POU6F2: variants seen among roughly 807,000 people sequenced by gnomAD.
The protein encoded by POU6F2 is POU class 6 homeobox 2, also known as POU domain, class 6, transcription factor 2.
Under a neutral mutation model 71.3 loss-of-function variants are expected in POU6F2, and 31 were observed. The ratio of observed to expected loss-of-function variants is 0.43; its 90% confidence interval spans 0.33 to 0.59. POU6F2 has a LOEUF of 0.59. POU6F2 is among the 20% of genes least tolerant of loss of function. POU6F2 has a pLI of 0.04. For synonymous variants in POU6F2, 347 were observed against 355.7 expected (o/e 0.98, Z 0.27); for missense variants, 783 against 856.8 (o/e 0.91, Z 1.07).
intron 1 of POU6F2, among the ~76,000 whole-genome samples, chr7:39,039,880 G>A (rs189237761): frequency 5.4e-5 from 8 of 149,092 alleles, no homozygotes; most frequent in Admixed American, 1.4e-4. Flanking sequence ...GTGTGATATC[G>A]GATTAGGTAT....
chr7:39,339,082 T>TTAA (rs1554344615), intron 4 of POU6F2, among the ~76,000 whole-genome samples: 50 of 143,964 alleles, frequency 3.5e-4, no homozygotes, highest in African/African-American at 6.9e-4. Context: ...TTTGAATTTT[T>TTAA]AAAAAAAAAA....
At chr7:39,372,176 C>T (rs1293066269) in intron 5 of POU6F2, among the ~76,000 whole-genome samples, 1 of 152,194 alleles carries the variant, frequency 6.6e-6, no homozygotes, top group African/African-American at 2.4e-5. Context: ...TGGCTTTAGC[C>T]TCCCAAAGTG....
chr7:39,333,139 A>G (rs1470043883), intron 4 of POU6F2, among the ~76,000 whole-genome samples: 1 of 152,138 alleles, frequency 6.6e-6, no homozygotes, highest in Non-Finnish European at 1.5e-5. Flanking sequence ...GAGCAGGTGC[A>G]GCTCCCCTGG....
At chr7:39,181,462 C>T (rs74522043) in intron 2 of POU6F2, among the ~76,000 whole-genome samples, 1,615 of 152,322 alleles carry the variant, frequency 0.011, 16 homozygotes, top group Non-Finnish European at 0.016. Flanking sequence ...TCAGTGCTAT[C>T]TTTGTTCCTA....
At chr7:39,254,273 A>G (rs572461998) in intron 4 of POU6F2, among the ~76,000 whole-genome samples, 1 of 152,308 alleles carries the variant, frequency 6.6e-6, no homozygotes, top group East Asian at 1.9e-4. Flanking sequence ...TTGTTTAAAC[A>G]TTCGCAACGG....
At chr7:39,191,104 T>C (rs562122507) in intron 2 of POU6F2, among the ~76,000 whole-genome samples, 3 of 152,352 alleles carry the variant, frequency 2.0e-5, no homozygotes, top group African/African-American at 7.2e-5. Flanking sequence ...CATTGACTAA[T>C]GAGTACTAAC....
At chr7:39,324,913 C>T (rs1049185323) in intron 4 of POU6F2, among the ~76,000 whole-genome samples, 6 of 152,076 alleles carry the variant, frequency 3.9e-5, no homozygotes, top group African/African-American at 1.4e-4. Context: ...CATATGAAAG[C>T]CTTTAAAATG....
At chr7:39,144,663 A>G (rs1234826490) in intron 2 of POU6F2, among the ~76,000 whole-genome samples, 1 of 152,206 alleles carries the variant, frequency 6.6e-6, no homozygotes, top group Admixed American at 6.5e-5. Context: ...TATGGTTTGA[A>G]TGGTGTTTAC....
At chr7:39,276,383 A>G (rs1784439235) in intron 4 of POU6F2, among the ~76,000 whole-genome samples, 2 of 152,236 alleles carry the variant, frequency 1.3e-5, no homozygotes, top group Admixed American at 6.5e-5. Context: ...AATGGCAATC[A>G]TTAAAAAGTC....
chr7:39,372,986 G>A (rs1020967228), intron 5 of POU6F2, among the ~76,000 whole-genome samples: 3 of 152,152 alleles, frequency 2.0e-5, no homozygotes, highest in Non-Finnish European at 2.9e-5. Flanking sequence ...GTATAGTTAG[G>A]AGAGCAGACT....
At chr7:39,421,365 A>C (rs1004648371) in intron 6 of POU6F2, among the ~76,000 whole-genome samples, 6 of 152,192 alleles carry the variant, frequency 3.9e-5, no homozygotes, top group African/African-American at 1.4e-4. Context: ...TTGCCACAAC[A>C]ATGGATATTC....
At chr7:39,231,426 A>T (rs1165906528) in intron 4 of POU6F2, among the ~76,000 whole-genome samples, 2 of 152,176 alleles carry the variant, frequency 1.3e-5, no homozygotes, top group African/African-American at 4.8e-5. Context: ...TGCTTTATTG[A>T]CATCATATTT....
chr7:39,404,063 G>A (rs1439952306), intron 5 of POU6F2, among the ~76,000 whole-genome samples: 1 of 152,156 alleles, frequency 6.6e-6, no homozygotes, highest in Non-Finnish European at 1.5e-5. Flanking sequence ...AGAGGGAAAG[G>A]CAGCAAAAAG....
intron 4 of POU6F2, among the ~76,000 whole-genome samples, chr7:39,215,900 A>G (rs1044348868): frequency 3.9e-5 from 6 of 152,234 alleles, no homozygotes; most frequent in Non-Finnish European, 8.8e-5. Context: ...CATATTACAT[A>G]TGGGTCATAG....
At chr7:39,052,344 G>C (rs1298793803) in intron 1 of POU6F2, among the ~76,000 whole-genome samples, 1 of 152,132 alleles carries the variant, frequency 6.6e-6, no homozygotes, top group Non-Finnish European at 1.5e-5. Context: ...AAATACATGA[G>C]ACTGGGTAAT....
In POU6F2 at chr7:39,012,415, A is replaced by G. The variant is rs1281061408; in HGVS notation, c.105+34357A>G. 4.7e-5 allele frequency among the ~76,000 whole-genome samples: 7 copies of G among 149,184 alleles called. No individual in the cohort carries two copies. In the South Asian group the frequency reaches 1.3e-3, roughly 27 times the overall value. On this transcript the variant is annotated intron_variant, in intron 1 of 9. Coordinates refer to ENST00000518318, the MANE Select transcript of POU6F2 (RefSeq NM_001370959.1). ...CTTCTCTGTATTGGTTATTCTAGTT[A>G]TACATTCTTCTAAATTTTTTTCAAA...
chr7:39,195,040 C>T (rs982782664), intron 2 of POU6F2, among the ~76,000 whole-genome samples: 15 of 152,170 alleles, frequency 9.9e-5, no homozygotes, highest in Non-Finnish European at 1.9e-4. Flanking sequence ...TGAAGTCAGC[C>T]AGACCAAGAA....
At chr7:39,011,009 G>A (rs1451745249) in intron 1 of POU6F2, among the ~76,000 whole-genome samples, 2 of 141,342 alleles carry the variant, frequency 1.4e-5, no homozygotes, top group African/African-American at 5.2e-5. Flanking sequence ...TGTTGATTTG[G>A]GGTGGAGAGT....
chr7:39,415,291 G>T (rs528805398), intron 6 of POU6F2, among the ~76,000 whole-genome samples: 1 of 152,294 alleles, frequency 6.6e-6, no homozygotes, highest in South Asian at 2.1e-4. Flanking sequence ...CCAAAATGCT[G>T]GGATTACAGG....
Sources: gnomAD v4.1 joint callset for allele counts (sites outside exome capture counted in the v4.1 genomes callset) on GRCh38, gnomAD v4.1.1 for gene constraint, MANE v1.5 for transcripts, NCBI Gene and HGNC (gene_info 2026-07-23, HGNC 2026-07-21) for gene names.